Variants in CYFIP1 observed in about 807,000 individuals in gnomAD.
The protein encoded by CYFIP1 is cytoplasmic FMR1-interacting protein 1.
Under a neutral mutation model 163.5 loss-of-function variants are expected in CYFIP1, and 58 were observed. That is an observed-to-expected ratio of 0.35 (90% CI 0.29 to 0.44). CYFIP1 has a LOEUF of 0.44. Ranked by LOEUF, CYFIP1 falls within the 20% of genes least tolerant of loss-of-function variation. CYFIP1 has a pLI of 1.00. For missense variants in CYFIP1, 1,338 were observed against 1,653.8 expected, an observed-to-expected ratio of 0.81 and a Z score of 3.31; for synonymous variants, 663 against 660.7, an observed-to-expected ratio of 1.00 and a Z score of -0.05.
At chr15:22,882,552 C>G (rs2059796969) in intron 24 of CYFIP1, among the ~76,000 whole-genome samples, 1 of 152,134 alleles carries the variant, frequency 6.6e-6, no homozygotes. Flanking sequence ...CGCCTGTAAC[C>G]CCAGCACTTT....
chr15:22,922,813 G>A (rs536399402), intron 13 of CYFIP1, among the ~76,000 whole-genome samples: 1 of 152,268 alleles, frequency 6.6e-6, no homozygotes, highest in South Asian at 2.1e-4. Flanking sequence ...CCAACATGGT[G>A]AAACCCTGTC....
chr15:22,920,515 A>G (rs778165653), intron 13 of CYFIP1, among the ~76,000 whole-genome samples: 1 of 150,644 alleles, frequency 6.6e-6, no homozygotes, highest in Non-Finnish European at 1.5e-5. Context: ...GTGTCTGACA[A>G]GTACTTGAAA....
At chr15:22,979,130 CT>C (rs1480299625) in intron 1 of CYFIP1, among the ~76,000 whole-genome samples, 1 of 152,202 alleles carries the variant, frequency 6.6e-6, no homozygotes, top group Non-Finnish European at 1.5e-5. Context: ...GGCACCGGCA[CT>C]ATATCCCTAC....
chr15:22,889,854 G>C (rs192875537), intron 23 of CYFIP1, among the ~76,000 whole-genome samples: 3 of 152,240 alleles, frequency 2.0e-5, no homozygotes, highest in African/African-American at 7.2e-5. Flanking sequence ...ATTCTCACTC[G>C]CCAAACTTTC....
chr15:22,924,175 G>A (rs1293103227), intron 13 of CYFIP1, among the ~76,000 whole-genome samples: 5 of 152,198 alleles, frequency 3.3e-5, no homozygotes, highest in Admixed American at 6.5e-5. Flanking sequence ...TGTAATCCTG[G>A]CACTTTGGAA....
Position 22,973,965 on chromosome 15 carries a change from C to A in CYFIP1, c.-7+6322G>T, listed in dbSNP as rs1293831703. 2.0e-5 allele frequency among the ~76,000 whole-genome samples: 3 copies of A among 152,046 alleles called. No homozygotes were observed. In the East Asian group the frequency reaches 5.8e-4, roughly 29 times the overall value. On this transcript the variant is annotated intron_variant, in intron 1 of 30. Transcript: ENST00000617928. ...ATCATCAGGGAATCCAAATCAAAAC[C>A]ACAATGAGCTATCACCTCACACCTG...
intron 22 of CYFIP1, among the ~76,000 whole-genome samples, chr15:22,896,310 C>T (rs900721107): frequency 9.9e-5 from 15 of 152,094 alleles, no homozygotes; most frequent in African/African-American, 3.6e-4. Context: ...AACAGTGGCT[C>T]TTTTCCTTTG....
Position 22,873,527 on chromosome 15 carries a change from T to C in CYFIP1, c.3413A>G (p.Tyr1138Cys), listed in dbSNP as rs776390444. 42 of 1,614,020 alleles carry C rather than the reference T, an allele frequency of 2.6e-5. No homozygotes were observed. Among genetic ancestry groups the C allele is most frequent in the Non-Finnish European group, 3.5e-5 (41 of 1,179,992 alleles). The change falls in exon 29 of 31, where the codon TAC (tyrosine) becomes TGC (cysteine). Residue 1138 changes from tyrosine (Y) to cysteine (C), a missense_variant. Around this residue, in one of 4 missense-constraint regions of CYFIP1, gnomAD observed 306 missense variants for 322.1 expected, o/e 0.95. Transcript: ENST00000617928. ...CTCGTGTGTCCCCACGGGAATGCAG[T>C]AGACAAACTGCATGGCACTCCACAG... The part of the protein sequence containing the change: ...HRLWSAMQFV[Y>C]CIPVGTHEFT...
chr15:22,926,124 A>C lies in CYFIP1; in HGVS notation c.1234-17T>G, dbSNP rs2289821. 42,652 of 1,613,878 alleles carry C rather than the reference A, an allele frequency of 0.026. 1,873 individuals carry two copies. Among genetic ancestry groups the C allele is most frequent in the African/African-American group, 0.16 (12,318 of 74,954 alleles). On this transcript the variant is annotated splice_polypyrimidine_tract_variant and intron_variant, in intron 12 of 30. Transcript: ENST00000617928. ...CCAGGAATACTGTGGTGGCCGAAAG[A>C]GCAGAGGTGTTCCATATTGCATGCA...
intron 16 of CYFIP1, 132 bp downstream of exon 16, chr15:22,916,345 G>T: frequency 1.4e-6 from 1 of 699,630 alleles, no homozygotes; most frequent in Non-Finnish European, 2.4e-6. Flanking sequence ...CCGCCACAGA[G>T]GGCAGGACGA....
At chr15:22,938,923 TAAAAAAAAAAA>T (rs56169420) in intron 8 of CYFIP1, among the ~76,000 whole-genome samples, 1 of 74,380 alleles carries the variant, frequency 1.3e-5, no homozygotes, top group African/African-American at 4.9e-5. Flanking sequence ...AAAAGCAGCT[TAAAAAAAAAAA>T]AAAAAAAAAA....
At chr15:22,957,260 T>C (rs141282883) in intron 1 of CYFIP1, among the ~76,000 whole-genome samples, 3,794 of 152,292 alleles carry the variant, frequency 0.025, 177 homozygotes, top group African/African-American at 0.086. Flanking sequence ...CCCAGCACTC[T>C]GGGAGGCCGA....
chr15:22,943,049 C>T (rs568298560), intron 6 of CYFIP1, 124 bp downstream of exon 6: 6 of 856,924 alleles, frequency 7.0e-6, no homozygotes, highest in Admixed American at 4.9e-5. Flanking sequence ...GACACTGAGA[C>T]GTAGCTGCTG....
intron 22 of CYFIP1, among the ~76,000 whole-genome samples, chr15:22,895,922 G>A (rs2060223461): frequency 6.6e-6 from 1 of 152,224 alleles, no homozygotes; most frequent in Admixed American, 6.5e-5. Context: ...TTTGCACATG[G>A]AAACCTCCCA....
At chr15:22,870,313 A>G (rs112058040) in intron 30 of CYFIP1, 121 bp from the exon 31 acceptor site, 101 of 1,243,324 alleles carry the variant, frequency 8.1e-5, no homozygotes, top group Non-Finnish European at 1.1e-4. Flanking sequence ...ATTGACACAC[A>G]TACTGTTCTT....
intron 1 of CYFIP1, among the ~76,000 whole-genome samples, chr15:22,957,029 G>A (rs867251018): frequency 3.9e-5 from 6 of 152,248 alleles, no homozygotes; most frequent in South Asian, 4.1e-4. Context: ...GCAAAATGTG[G>A]AGAAGCCACA....
upstream of CYFIP1, among the ~76,000 whole-genome samples, chr15:22,980,692 G>C (rs2063456864): frequency 6.6e-6 from 1 of 152,046 alleles, no homozygotes; most frequent in Non-Finnish European, 1.5e-5. Flanking sequence ...CTGTCCCGGG[G>C]CTCCACCGGG....
At chr15:22,910,953 A>T in intron 18 of CYFIP1, 140 bp from the exon 19 acceptor site, 1 of 732,400 alleles carries the variant, frequency 1.4e-6, no homozygotes, top group Non-Finnish European at 2.3e-6. Flanking sequence ...TCTGTTGCCC[A>T]GGCTGGAGCG....
intron 23 of CYFIP1, among the ~76,000 whole-genome samples, chr15:22,884,328 T>C (rs907443956): frequency 2.0e-5 from 3 of 152,132 alleles, no homozygotes; most frequent in Admixed American, 6.5e-5. Context: ...CTAGATACAA[T>C]AGGGGTACAG....
Sources: gnomAD v4.1 joint callset for allele counts (sites outside exome capture counted in the v4.1 genomes callset) on GRCh38, gnomAD v4.1.1 for gene constraint, gnomAD v4.1.1 regional missense constraint, MANE v1.5 for transcripts, NCBI Gene and HGNC (gene_info 2026-07-23, HGNC 2026-07-21) for gene names.